TNIK: variants seen among roughly 807,000 people sequenced by gnomAD.
TNIK encodes the protein TRAF2 and NCK interacting kinase, also known as TRAF2 and NCK-interacting protein kinase.
In TNIK, 49 loss-of-function variants were observed where a neutral mutation model predicts 191.3. The observed-to-expected ratio is 0.26, with a 90% CI of 0.20 to 0.32. TNIK has a LOEUF of 0.32. TNIK is among the 10% of genes least tolerant of loss of function. The pLI is 1.00. For missense variants in TNIK, 1,155 were observed against 1,702.3 expected, an observed-to-expected ratio of 0.68 and a Z score of 5.66; for synonymous variants, 594 against 600.9, an observed-to-expected ratio of 0.99 and a Z score of 0.17.
At chr3:171,235,697 T>C (rs1401054300) in intron 2 of TNIK, among the ~76,000 whole-genome samples, 1 of 152,150 alleles carries the variant, frequency 6.6e-6, no homozygotes, top group Non-Finnish European at 1.5e-5. Flanking sequence ...TAATGAAATG[T>C]TTTTAACTTT....
At chr3:171,146,437 A>G (rs1731595615) in intron 12 of TNIK, among the ~76,000 whole-genome samples, 1 of 152,158 alleles carries the variant, frequency 6.6e-6, no homozygotes, top group African/African-American at 2.4e-5. Flanking sequence ...CACATCTGAG[A>G]ATTAATATCC....
At chr3:171,422,421 G>T (rs1039862056) in intron 1 of TNIK, among the ~76,000 whole-genome samples, 2 of 152,098 alleles carry the variant, frequency 1.3e-5, no homozygotes, top group African/African-American at 4.8e-5. Flanking sequence ...GAATTAGTAA[G>T]TCCAACTGTA....
Position 171,101,498 on chromosome 3 carries a change from T to C in TNIK, c.2542A>G (p.Ser848Gly), listed in dbSNP as rs773056479. Reference sequence around the variant, plus strand: ...GCCACTGTCCCATCATGGGTCTCGCTCTCTCCATCTTCCTCCTCTTCCTCG... The same window carrying C: ...GCCACTGTCCCATCATGGGTCTCGCCCTCTCCATCTTCCTCCTCTTCCTCG... ...SSEEEEEDGE[S>G]ETHDGTVAVS... Residue 848 changes from serine (S) to glycine (G), a missense_variant, in exon 22 of 33, where the codon AGC becomes GGC. Coordinates refer to ENST00000436636, the MANE Select transcript of TNIK (RefSeq NM_015028.4). The C allele has an allele frequency of 5.6e-6, 9 of 1,613,414 alleles. No homozygotes were observed. Among genetic ancestry groups the C allele is most frequent in the Non-Finnish European group, 6.8e-6 (8 of 1,179,552 alleles).
At chr3:171,134,271 C>T (rs537616506) in intron 15 of TNIK, among the ~76,000 whole-genome samples, 2 of 152,230 alleles carry the variant, frequency 1.3e-5, no homozygotes, top group South Asian at 4.2e-4. Flanking sequence ...AGTGAGAATG[C>T]CCCCAACCTG....
intron 1 of TNIK, among the ~76,000 whole-genome samples, chr3:171,437,420 A>T (rs1726164592): frequency 6.6e-6 from 1 of 152,252 alleles, no homozygotes. Flanking sequence ...ACTAAAGCTA[A>T]TCAATATTTA....
intron 1 of TNIK, among the ~76,000 whole-genome samples, chr3:171,390,183 G>A (rs1438385615): frequency 1.3e-5 from 2 of 152,176 alleles, no homozygotes; most frequent in Non-Finnish European, 2.9e-5. Context: ...AAAGCCTAGT[G>A]AGTGAGGTGC....
chr3:171,380,452 C>G (rs559439762), intron 1 of TNIK, among the ~76,000 whole-genome samples: 1 of 152,348 alleles, frequency 6.6e-6, no homozygotes, highest in Non-Finnish European at 1.5e-5. Context: ...AGAGCCTTAA[C>G]GGGACCATTC....
chr3:171,287,496 G>A (rs1026951975), intron 2 of TNIK, among the ~76,000 whole-genome samples: 2 of 152,090 alleles, frequency 1.3e-5, no homozygotes, highest in Non-Finnish European at 2.9e-5. Flanking sequence ...TTAGAATGTT[G>A]GCTTTAACTT....
chr3:171,204,060 A>C (rs1450923886), intron 4 of TNIK, among the ~76,000 whole-genome samples: 2 of 152,242 alleles, frequency 1.3e-5, no homozygotes, highest in Non-Finnish European at 2.9e-5. Context: ...TTTACTAAAC[A>C]GTATTTCTCC....
chr3:171,130,540 G>T (rs1271567888), intron 15 of TNIK, among the ~76,000 whole-genome samples: 1 of 152,138 alleles, frequency 6.6e-6, no homozygotes, highest in East Asian at 1.9e-4. Context: ...ATTGCATTGA[G>T]CAAAAGAACA....
At chr3:171,138,050 T>A (rs1203071434) in intron 15 of TNIK, 141 bp downstream of exon 15, 1 of 675,250 alleles carries the variant, frequency 1.5e-6, no homozygotes, top group Non-Finnish European at 2.1e-6. Flanking sequence ...AATGTTATAG[T>A]TCTTGCAAAA....
At chr3:171,409,480 G>A (rs1722115810) in intron 1 of TNIK, among the ~76,000 whole-genome samples, 1 of 152,060 alleles carries the variant, frequency 6.6e-6, no homozygotes, top group African/African-American at 2.4e-5. Context: ...GCTGATATGT[G>A]TTTCTATTGA....
intron 2 of TNIK, among the ~76,000 whole-genome samples, chr3:171,249,800 T>C (rs970359479): frequency 1.3e-5 from 2 of 152,164 alleles, no homozygotes; most frequent in African/African-American, 4.8e-5. Flanking sequence ...TCCCTGTCAG[T>C]TGGAACCAAT....
At chr3:171,094,949 T>C (rs911704508) in intron 22 of TNIK, among the ~76,000 whole-genome samples, 1 of 152,152 alleles carries the variant, frequency 6.6e-6, no homozygotes, top group African/African-American at 2.4e-5. Flanking sequence ...AGTTGTCACA[T>C]ACTAGGAATG....
At chr3:171,298,916 A>G (rs1752600816) in intron 2 of TNIK, among the ~76,000 whole-genome samples, 1 of 152,196 alleles carries the variant, frequency 6.6e-6, no homozygotes, top group African/African-American at 2.4e-5. Context: ...TGAGAAGGGC[A>G]ATATGCAAGG....
chr3:171,271,773 T>G (rs1325791971), intron 2 of TNIK, among the ~76,000 whole-genome samples: 1 of 152,198 alleles, frequency 6.6e-6, no homozygotes, highest in Admixed American at 6.5e-5. Context: ...TATATAACTT[T>G]CAAACCCGAA....
intron 28 of TNIK, among the ~76,000 whole-genome samples, chr3:171,073,067 A>G (rs1440065850): frequency 6.6e-6 from 1 of 152,206 alleles, no homozygotes; most frequent in Non-Finnish European, 1.5e-5. Flanking sequence ...TTCATATGGA[A>G]CCAAAAAAGA....
In TNIK at chr3:171,093,893, A is replaced by G. The variant is rs1417459365; in HGVS notation, c.2667T>C (p.His889=). The change falls in exon 23 of 33, where the codon CAT becomes CAC. Residue 889 remains histidine, a synonymous_variant. Coordinates refer to ENST00000436636, the MANE Select transcript of TNIK (RefSeq NM_015028.4). ...AAATACTGCCGCTGAAACTGTCCGC[A>G]TGAGAGGTCTCCAGCCCATGCGTCC... is the stretch of plus-strand genomic sequence containing the variant. ...MVGTHGLETS[H]ADSFSGSISR... is the part of the protein sequence containing the mutation. The G allele has an allele frequency of 2.5e-6, 4 of 1,613,962 alleles. No individual in the cohort carries two copies. Among genetic ancestry groups the G allele is most frequent in the Non-Finnish European group, 3.4e-6 (4 of 1,179,866 alleles).
rs1050014866 is a variant in TNIK at position 171,060,818 on chromosome 3, C to A, written c.*3063G>T. Among the ~76,000 whole-genome samples, 4 of 152,080 alleles carry A rather than the reference C, an allele frequency of 2.6e-5. No individual in the cohort carries two copies. Among genetic ancestry groups the A allele is most frequent in the Non-Finnish European group, 5.9e-5 (4 of 68,018 alleles). ...AGGAATGATGGTCACCTGCCAGACCCCAGACCCAGACTATGGTGTGGGCAG... is the reference window on the plus strand; with the variant it reads ...AGGAATGATGGTCACCTGCCAGACCACAGACCCAGACTATGGTGTGGGCAG... On this transcript the variant is annotated 3_prime_UTR_variant, in exon 33 of 33. Transcript: ENST00000436636.
Sources: allele counts gnomAD v4.1 joint callset (sites outside exome capture counted in the v4.1 genomes callset), GRCh38; gene constraint gnomAD v4.1.1; transcripts MANE v1.5; gene names NCBI Gene and HGNC (gene_info 2026-07-23, HGNC 2026-07-21).